SPMAP2: variants seen among roughly 807,000 people sequenced by gnomAD.
SPMAP2 encodes the protein Theg homolog.
chr19:375,716 A>T, the SPMAP2 span: 1 of 1,606,888 alleles, frequency 6.2e-7, no homozygotes, highest in Non-Finnish European at 8.5e-7. Context: ...TCTCCAACTC[A>T]GAAAGTGCCT....
At chr19:375,780 A>C in the SPMAP2 span, 1 of 1,609,818 alleles carries the variant, frequency 6.2e-7, no homozygotes, top group Non-Finnish European at 8.5e-7. Flanking sequence ...CTCGGGGGGA[A>C]GCTCCTCTTC....
the SPMAP2 span, chr19:367,100 T>C: frequency 9.9e-6 from 16 of 1,612,826 alleles, no homozygotes; most frequent in Admixed American, 3.3e-5. Flanking sequence ...GTCTGACACA[T>C]GTGGCTTGGG....
At chr19:373,325 C>T in the SPMAP2 span, 1 of 761,284 alleles carries the variant, frequency 1.3e-6, no homozygotes, top group South Asian at 1.7e-5. Context: ...GCTCTAGCTC[C>T]TCAGGGGACA....
chr19:374,219 G>A, the SPMAP2 span: 58 of 1,579,942 alleles, frequency 3.7e-5, no homozygotes, highest in Middle Eastern at 1.1e-3. Flanking sequence ...CCGAGCAGTG[G>A]GGACAGGAGG....
At chr19:366,935 C>T in the SPMAP2 span, 3 of 1,075,248 alleles carry the variant, frequency 2.8e-6, no homozygotes, top group South Asian at 1.5e-5. Context: ...CCGGACCACA[C>T]GTCCCTGTGA....
chr19:368,279 C>G, the SPMAP2 span, among the ~76,000 whole-genome samples: 1 of 152,192 alleles, frequency 6.6e-6, no homozygotes, highest in Non-Finnish European at 1.5e-5. The surrounding 1 kb of genome is among the most constrained non-coding windows in gnomAD (Gnocchi z 4.1). Flanking sequence ...GCGCGGCGCT[C>G]AGACACCCTT....
the SPMAP2 span, chr19:373,847 G>T: frequency 1.7e-6 from 2 of 1,185,580 alleles, no homozygotes; most frequent in African/African-American, 1.5e-5. Context: ...CCTCCTCCCT[G>T]GAGAGAGGAG....
chr19:371,312 C>A, the SPMAP2 span: 3 of 1,472,956 alleles, frequency 2.0e-6, no homozygotes, highest in Non-Finnish European at 2.7e-6. Context: ...ATGGGCCAGA[C>A]AGGAGTCGTC....
chr19:374,019 G>A, the SPMAP2 span: 1 of 1,612,708 alleles, frequency 6.2e-7, no homozygotes, highest in Non-Finnish European at 8.5e-7. Flanking sequence ...TTCCTGCGAG[G>A]AGACAGGGTC....
At chr19:372,927 C>T in the SPMAP2 span, among the ~76,000 whole-genome samples, 11 of 152,242 alleles carry the variant, frequency 7.2e-5, no homozygotes, top group African/African-American at 1.2e-4. Context: ...TCTCGGACAC[C>T]GGATGGGAGT....
At chr19:367,194 C>T in the SPMAP2 span, 1 of 1,605,198 alleles carries the variant, frequency 6.2e-7, no homozygotes, top group Non-Finnish European at 8.5e-7. Context: ...CTGGGGACTG[C>T]CATTTGGGCT....
At chr19:374,011 C>T in the SPMAP2 span, 2 of 1,613,310 alleles carry the variant, frequency 1.2e-6, no homozygotes, top group Non-Finnish European at 1.7e-6. Flanking sequence ...AGCGTCCCTT[C>T]CTGCGAGGAG....
chr19:362,249 G>A, the SPMAP2 span: 1 of 1,577,370 alleles, frequency 6.3e-7, no homozygotes, highest in Non-Finnish European at 8.6e-7. Context: ...TGCTTTTGGG[G>A]GTGGCAAGCT....
chr19:373,405 G>C, the SPMAP2 span: 1 of 1,504,982 alleles, frequency 6.6e-7, no homozygotes. Context: ...TAGATGGGGC[G>C]GGGCAGGTTC....
At chr19:362,555 G>A in the SPMAP2 span, 3 of 633,798 alleles carry the variant, frequency 4.7e-6, no homozygotes, top group Non-Finnish European at 7.8e-6. Context: ...ATCACCTGAG[G>A]TCAGGAGTTA....
At chr19:367,506 T>A in the SPMAP2 span, among the ~76,000 whole-genome samples, 1 of 152,278 alleles carries the variant, frequency 6.6e-6, no homozygotes, top group African/African-American at 2.4e-5. Context: ...CAACAATTGT[T>A]GGCAAATGTA....
the SPMAP2 span, among the ~76,000 whole-genome samples, chr19:367,381 C>T: frequency 3.9e-5 from 6 of 152,132 alleles, no homozygotes; most frequent in African/African-American, 9.7e-5. Context: ...GTAACTATCA[C>T]GCATAAAGAG....
At chr19:374,234 CG>C in the SPMAP2 span, 3 of 1,592,800 alleles carry the variant, frequency 1.9e-6, no homozygotes, top group African/African-American at 2.7e-5. Flanking sequence ...AGGAGGAGCC[CG>C]GGAAGGGTGC....
At chr19:365,614 C>CCCA in the SPMAP2 span, among the ~76,000 whole-genome samples, 7 of 95,932 alleles carry the variant, frequency 7.3e-5, no homozygotes, top group South Asian at 3.5e-4. Flanking sequence ...CACTCTTACC[C>CCCA]CCACATAGCA....
Sources: gnomAD v4.1 joint callset for allele counts (sites outside exome capture counted in the v4.1 genomes callset) on GRCh38, gnomAD v4.1.1 for gene constraint, Gnocchi (gnomAD v3.1) non-coding constraint, MANE v1.5 for transcripts, NCBI Gene and HGNC (gene_info 2026-07-23, HGNC 2026-07-21) for gene names.